Variants in URAD observed in about 807,000 individuals in gnomAD.
URAD encodes putative 2-oxo-4-hydroxy-4-carboxy-5-ureidoimidazoline decarboxylase.
Under a neutral mutation model 4.6 loss-of-function variants are expected in URAD, and 4 were observed. The observed-to-expected ratio is 0.87, with a 90% CI of 0.43 to 1.98. The LOEUF (loss-of-function observed/expected upper bound fraction) is 1.98. Among genes scored for constraint, URAD ranks in the 30% most tolerant of loss-of-function variants. The pLI, the probability that URAD is intolerant of heterozygous loss-of-function variation, is 0.03. For synonymous variants in URAD, 144 were observed against 118.2 expected, an observed-to-expected ratio of 1.22 and a Z score of -1.41; for missense variants, 300 against 255.3, an observed-to-expected ratio of 1.18 and a Z score of -1.19.
chr13:27,986,549 AC>A (rs1471297048), intron 1 of URAD, among the ~76,000 whole-genome samples: 1 of 152,198 alleles, frequency 6.6e-6, no homozygotes, highest in African/African-American at 2.4e-5. Flanking sequence ...AGTTCCAGAC[AC>A]AGAGTAAGAA....
In URAD at chr13:27,977,856, G is replaced by T; in HGVS notation, c.*250C>A. On this transcript the variant is annotated 3_prime_UTR_variant, in exon 2 of 2. Coordinates refer to ENST00000332715, the MANE Select transcript of URAD (RefSeq NM_001105577.2). ...GGGGCCGCAAAGGGAGTGAAGAATT[G>T]AAGCAGTGAGCTGGATAAATCCGGG... 2.3e-6 allele frequency: 1 copy of T among 441,506 alleles called. No homozygotes were observed. The highest frequency in any genetic ancestry group is 3.7e-5 in the East Asian group (1 of 26,994). The allele number at this position is 441,506 out of a possible 1,614,324, so 27.3% of individuals were successfully genotyped here.
chr13:27,979,397 T>TG (rs1321424142), intron 1 of URAD, among the ~76,000 whole-genome samples: 23 of 152,280 alleles, frequency 1.5e-4, no homozygotes, highest in African/African-American at 5.5e-4. Context: ...CTCTCTAAAG[T>TG]GAAAATTAGA....
At chr13:27,981,905 G>GT (rs954848304) in intron 1 of URAD, among the ~76,000 whole-genome samples, 2 of 152,088 alleles carry the variant, frequency 1.3e-5, no homozygotes, top group African/African-American at 4.8e-5. Flanking sequence ...TTGCTCTCTT[G>GT]TTTCTCCCTA....
In URAD at chr13:27,980,127, G is replaced by T. The variant is rs1170218944; in HGVS notation, c.176-1675C>A. Among the ~76,000 whole-genome samples the T allele has an allele frequency of 3.9e-5, 6 of 152,016 alleles. No homozygotes were observed. In the East Asian group the frequency reaches 1.2e-3, roughly 29 times the overall value. On this transcript the variant is annotated intron_variant, in intron 1 of 1. Transcript: ENST00000332715. ...CGCCCGGGATGGAGTGCAGTGGGGC[G>T]ATCTTGGCTCACTGCAACCTCTGCC...
At chr13:27,979,922 G>A (rs567250404) in intron 1 of URAD, among the ~76,000 whole-genome samples, 245 of 152,272 alleles carry the variant, frequency 1.6e-3, no homozygotes, top group African/African-American at 5.6e-3. Context: ...CTAGTGACCT[G>A]CCTAGGGTCA....
intron 1 of URAD, among the ~76,000 whole-genome samples, chr13:27,984,841 T>C (rs557962812): frequency 1.3e-5 from 2 of 152,062 alleles, no homozygotes; most frequent in Non-Finnish European, 2.9e-5. Flanking sequence ...TAGCCGGGCA[T>C]GGTGGTGTGT....
chr13:27,984,243 G>C (rs553714789), intron 1 of URAD, among the ~76,000 whole-genome samples: 36 of 152,290 alleles, frequency 2.4e-4, no homozygotes, highest in Middle Eastern at 3.4e-3. Flanking sequence ...TCTTATGAAA[G>C]TTGTATTGCT....
intron 1 of URAD, among the ~76,000 whole-genome samples, chr13:27,987,892 T>TGATAGATGATAGATA (rs1555247014): frequency 6.7e-6 from 1 of 150,080 alleles, no homozygotes; most frequent in East Asian, 2.0e-4. Context: ...AATAGATAGA[T>TGATAGATGATAGATA]GATAGATAGA....
Position 27,987,578 on chromosome 13 carries a change from T to C in URAD, c.175+885A>G, listed in dbSNP as rs1455032643. Reference sequence around the variant, plus strand: ...CCTGGGCTCTGGAGATAGTCTGGTATCCAGCTGTCCTCTCTGTCACATACA... The same window carrying C: ...CCTGGGCTCTGGAGATAGTCTGGTACCCAGCTGTCCTCTCTGTCACATACA... On this transcript the variant is annotated intron_variant, in intron 1 of 1. Coordinates refer to ENST00000332715, the MANE Select transcript of URAD (RefSeq NM_001105577.2). Among the ~76,000 whole-genome samples, 5 of 152,188 alleles carry C rather than the reference T, an allele frequency of 3.3e-5. 1 individual carries two copies. In the East Asian group the frequency reaches 9.6e-4, roughly 29 times the overall value.
intron 1 of URAD, among the ~76,000 whole-genome samples, chr13:27,984,354 A>C (rs1241568412): frequency 6.6e-6 from 1 of 152,198 alleles, no homozygotes; most frequent in Non-Finnish European, 1.5e-5. Context: ...TTTCCTAGAA[A>C]ACCTTTGCCT....
intron 1 of URAD, among the ~76,000 whole-genome samples, chr13:27,981,949 A>G (rs902015408): frequency 6.6e-6 from 1 of 152,078 alleles, no homozygotes; most frequent in African/African-American, 2.4e-5. Context: ...AAGACCTTAG[A>G]GTTGTCTCCT....
intron 1 of URAD, among the ~76,000 whole-genome samples, chr13:27,982,488 G>A (rs1869906025): frequency 6.6e-6 from 1 of 152,158 alleles, no homozygotes; most frequent in Admixed American, 6.5e-5. Context: ...CTGCCAGATA[G>A]GTCACTAGCA....
chr13:27,981,626 TC>T (rs1869880025), intron 1 of URAD, among the ~76,000 whole-genome samples: 1 of 152,070 alleles, frequency 6.6e-6, no homozygotes, highest in Non-Finnish European at 1.5e-5. Context: ...AAGCTCAGAA[TC>T]CCGTAACAGT....
At chr13:27,986,577 G>A (rs1870034624) in intron 1 of URAD, among the ~76,000 whole-genome samples, 1 of 152,168 alleles carries the variant, frequency 6.6e-6, no homozygotes, top group Admixed American at 6.5e-5. Context: ...CAAAACGTGT[G>A]TTAAGTAACT....
At chr13:27,985,507 T>A (rs902196966) in intron 1 of URAD, among the ~76,000 whole-genome samples, 11 of 152,164 alleles carry the variant, frequency 7.2e-5, no homozygotes, top group Non-Finnish European at 1.2e-4. Context: ...TTTCCAAATA[T>A]ACAATAGATT....
At position 27,988,667 on chromosome 13, in the gene URAD, G is replaced by A. The variant is rs770879827; in HGVS notation, c.-30C>T. Reference sequence around the variant, plus strand: ...TGTATTCCACTGGAGACAGCGGGACGTCCAGCTCCCCTCTCGGTGAGTGAG... The same window carrying A: ...TGTATTCCACTGGAGACAGCGGGACATCCAGCTCCCCTCTCGGTGAGTGAG... On this transcript the variant is annotated 5_prime_UTR_variant, in exon 1 of 2. The change creates a new upstream start codon in the 5' untranslated region. Transcript: ENST00000332715. The A allele has an allele frequency of 1.9e-5, 30 of 1,546,100 alleles. 1 individual carries two copies. The East Asian group carries it at 2.8e-4, about 14-fold the overall frequency.
At position 27,978,444 on chromosome 13, in the gene URAD, C is replaced by G; in HGVS notation, c.184G>C (p.Gly62Arg). The change falls in exon 2 of 2, where the codon GGC (glycine) becomes CGC (arginine). Residue 62 changes from glycine to arginine, a missense_variant. Transcript: ENST00000332715. ...AGGTCCGGGTGGCAGCGCAGGATGC[C>G]CTCCTGGCCTGCGGAGAAGCACAGA... Reference protein sequence around the residue: ...IDALAQSGQEGILRCHPDLAG... With the variant: ...IDALAQSGQERILRCHPDLAG... The G allele has an allele frequency of 7.5e-7, 1 of 1,341,282 alleles. No homozygotes were observed. Among genetic ancestry groups the G allele is most frequent in the African/African-American group, 1.5e-5 (1 of 65,022 alleles). 83.1% of individuals were successfully genotyped at this position (1,341,282 alleles called of 1,614,324 possible).
In URAD at chr13:27,988,531, C is replaced by T. The variant is rs746253853; in HGVS notation, c.107G>A (p.Arg36Gln). The T allele has an allele frequency of 2.5e-5, 41 of 1,613,734 alleles. No homozygotes were observed. The highest frequency in any genetic ancestry group is 1.3e-4 in the East Asian group (6 of 44,894). Residue 36 changes from arginine to glutamine, a missense_variant, in exon 1 of 2, where the codon CGG becomes CAG. Arg to Gln is a conservative substitution (Grantham distance 43). Coordinates refer to ENST00000332715, the MANE Select transcript of URAD (RefSeq NM_001105577.2). ...PLIAAAVWSQ[R>Q]PFSDLEDLEK... ...TAAATCTTCCAAATCAGAGAATGGC[C>T]GCTGGGACCAAACAGCAGCTGCAAT...
intron 1 of URAD, among the ~76,000 whole-genome samples, chr13:27,981,009 T>TCTCTCTCTCTCTCTCTCTC (rs765041882): frequency 2.3e-5 from 2 of 88,330 alleles, no homozygotes; most frequent in African/African-American, 3.0e-5. Context: ...TTCAGTCGCT[T>TCTCTCTCTCTCTCTCTCTC]CTCTCTCTCT....
Sources: allele counts gnomAD v4.1 joint callset (sites outside exome capture counted in the v4.1 genomes callset), GRCh38; gene constraint gnomAD v4.1.1; transcripts MANE v1.5; gene names NCBI Gene and HGNC (gene_info 2026-07-23, HGNC 2026-07-21).